Variants in SLC35H1 observed in about 807,000 individuals in gnomAD.
SLC35H1 encodes the protein ovarian cancer-overexpressed gene 1 protein.
chr20:46,348,820 G>A, the SLC35H1 span: 20 of 152,186 alleles, frequency 1.3e-4, no homozygotes, highest in African/African-American at 4.8e-4. Context: ...GGTTTCACTG[G>A]GACAGCCACA....
chr20:46,360,386 G>A, the SLC35H1 span, among the ~76,000 whole-genome samples: 4 of 152,136 alleles, frequency 2.6e-5, no homozygotes, highest in African/African-American at 9.7e-5. Flanking sequence ...GTGTCAGTCT[G>A]TGTCTGTGGC....
At chr20:46,358,075 C>A in the SLC35H1 span, among the ~76,000 whole-genome samples, 1 of 152,220 alleles carries the variant, frequency 6.6e-6, no homozygotes, top group African/African-American at 2.4e-5. Flanking sequence ...AGAGCCACTG[C>A]GGCCCACTAC....
the SLC35H1 span, chr20:46,356,736 C>A: frequency 3.4e-6 from 4 of 1,161,992 alleles, no homozygotes; most frequent in Non-Finnish European, 5.0e-6. Flanking sequence ...CACTTCTGAA[C>A]CATCCCGGTG....
chr20:46,358,847 C>T, the SLC35H1 span: 1 of 897,412 alleles, frequency 1.1e-6, no homozygotes, highest in Admixed American at 2.0e-5. Context: ...GGCTGCGTGA[C>T]TCAGGGCTCT....
At chr20:46,352,167 G>A in the SLC35H1 span, 28 of 1,614,190 alleles carry the variant, frequency 1.7e-5, 1 homozygote, top group South Asian at 8.8e-5. Context: ...CCAAGTACCC[G>A]CAGGAGCAGC....
the SLC35H1 span, among the ~76,000 whole-genome samples, chr20:46,358,133 T>G: frequency 2.0e-5 from 3 of 152,152 alleles, no homozygotes; most frequent in Non-Finnish European, 2.9e-5. Context: ...GTGGGGTAAA[T>G]AGCTGCTGCT....
the SLC35H1 span, among the ~76,000 whole-genome samples, chr20:46,360,140 G>C: frequency 6.6e-6 from 1 of 152,192 alleles, no homozygotes; most frequent in African/African-American, 2.4e-5. Context: ...TGAAAGATTA[G>C]CTTATAATTA....
chr20:46,355,375 C>A, the SLC35H1 span: 2 of 984,026 alleles, frequency 2.0e-6, no homozygotes, highest in South Asian at 1.6e-5. This position sits in a 1 kb window ranked among gnomAD's most constrained non-coding sequence, Gnocchi z 4.8. Context: ...TCAGCTCCAT[C>A]CCAGGGGGTC....
the SLC35H1 span, chr20:46,354,922 G>A: frequency 6.2e-7 from 1 of 1,613,362 alleles, no homozygotes; most frequent in Non-Finnish European, 8.5e-7. Context: ...CCAGGAACAT[G>A]AGTGGCTGCA....
the SLC35H1 span, chr20:46,352,573 GGAT>G: frequency 2.7e-5 from 6 of 223,094 alleles, no homozygotes; most frequent in Non-Finnish European, 5.4e-5. Flanking sequence ...GATCCTAGCG[GGAT>G]GATGGGATCC....
chr20:46,357,925 C>A, the SLC35H1 span: 15 of 800,406 alleles, frequency 1.9e-5, no homozygotes, highest in African/African-American at 2.6e-4. Context: ...GTTACGGTAT[C>A]ATCGCTTGGA....
At chr20:46,354,006 C>A in the SLC35H1 span, among the ~76,000 whole-genome samples, 1 of 152,064 alleles carries the variant, frequency 6.6e-6, no homozygotes, top group Non-Finnish European at 1.5e-5. Flanking sequence ...GCATTACAGA[C>A]GGGACTCTGG....
At chr20:46,355,979 G>A in the SLC35H1 span, 1 of 1,533,174 alleles carries the variant, frequency 6.5e-7, no homozygotes, top group Non-Finnish European at 8.8e-7. This position sits in a 1 kb window ranked among gnomAD's most constrained non-coding sequence, Gnocchi z 4.8. Flanking sequence ...ACCAAACAGA[G>A]CTGGGCTGTC....
chr20:46,350,685 T>A, the SLC35H1 span: 46 of 1,403,004 alleles, frequency 3.3e-5, no homozygotes, highest in Non-Finnish European at 4.1e-5. Context: ...CCGGGCACAC[T>A]TCCTGCATCA....
the SLC35H1 span, chr20:46,358,649 A>T: frequency 1.9e-6 from 3 of 1,554,026 alleles, no homozygotes; most frequent in Non-Finnish European, 1.7e-6. Flanking sequence ...CTGCAGCTCC[A>T]TGATTCGGAA....
chr20:46,351,290 C>T, the SLC35H1 span, among the ~76,000 whole-genome samples: 3 of 152,212 alleles, frequency 2.0e-5, no homozygotes, highest in Admixed American at 6.5e-5. Context: ...CAACTGGTCC[C>T]GGGGCTCTCT....
the SLC35H1 span, chr20:46,352,598 T>C: frequency 3.3e-4 from 58 of 176,170 alleles, no homozygotes; most frequent in South Asian, 1.0e-3. Flanking sequence ...AGCGGGATGA[T>C]GATGGGATCC....
At chr20:46,350,834 CAGG>C in the SLC35H1 span, 1 of 1,614,094 alleles carries the variant, frequency 6.2e-7, no homozygotes, top group Non-Finnish European at 8.5e-7. Flanking sequence ...CCAGCCAGTT[CAGG>C]AGGCTGATCT....
the SLC35H1 span, among the ~76,000 whole-genome samples, chr20:46,353,874 C>T: frequency 6.6e-6 from 1 of 151,884 alleles, no homozygotes; most frequent in African/African-American, 2.4e-5. Flanking sequence ...AAAAACGAGG[C>T]CCTGAACAGA....
Sources: gnomAD v4.1 joint callset for allele counts (sites outside exome capture counted in the v4.1 genomes callset) on GRCh38, gnomAD v4.1.1 for gene constraint, Gnocchi (gnomAD v3.1) non-coding constraint, MANE v1.5 for transcripts, NCBI Gene and HGNC (gene_info 2026-07-23, HGNC 2026-07-21) for gene names.